The following ANO4 variants were observed in gnomAD, a reference collection of about 807,000 sequenced individuals.
ANO4 encodes anoctamin-4.
ANO4 carries 69 observed loss-of-function variants against 141.9 expected under a neutral mutation model. That is an observed-to-expected ratio of 0.49 (90% CI 0.40 to 0.59). The LOEUF is 0.59. Ranked by LOEUF, ANO4 falls within the 20% of genes least tolerant of loss-of-function variation. The pLI is 0.00. For missense variants in ANO4, 894 were observed against 1,162.2 expected, an observed-to-expected ratio of 0.77 and a Z score of 3.36; for synonymous variants, 350 against 394.3, an observed-to-expected ratio of 0.89 and a Z score of 1.33.
intron 6 of ANO4, among the ~76,000 whole-genome samples, chr12:100,973,259 C>T (rs2044008625): frequency 6.6e-6 from 1 of 152,196 alleles, no homozygotes. Context: ...TAACTCTAGT[C>T]TAAGGAGATA....
intron 3 of ANO4, among the ~76,000 whole-genome samples, chr12:100,781,327 C>G (rs2033704842): frequency 6.6e-6 from 1 of 152,200 alleles, no homozygotes; most frequent in Admixed American, 6.5e-5. Flanking sequence ...TTTCCACTAT[C>G]AACCACAGAG....
At chr12:100,884,329 T>C (rs2039717176) in intron 1 of ANO4, among the ~76,000 whole-genome samples, 1 of 152,186 alleles carries the variant, frequency 6.6e-6, no homozygotes, top group Non-Finnish European at 1.5e-5. Context: ...AAATTAAATA[T>C]CGATTAAGGA....
intron 3 of ANO4, among the ~76,000 whole-genome samples, chr12:100,924,564 G>A (rs1029566226): frequency 7.9e-5 from 12 of 152,014 alleles, no homozygotes; most frequent in Non-Finnish European, 4.4e-5. Flanking sequence ...ATTTATTCCG[G>A]TTGAACAATC....
At chr12:101,064,320 A>G (rs370090612) in intron 14 of ANO4, among the ~76,000 whole-genome samples, 9 of 152,334 alleles carry the variant, frequency 5.9e-5, no homozygotes, top group Middle Eastern at 3.4e-3. Context: ...GAGATTTTCT[A>G]AATTTCCACT....
intron 22 of ANO4, among the ~76,000 whole-genome samples, chr12:101,100,676 G>A (rs547156793): frequency 5.3e-5 from 8 of 152,266 alleles, no homozygotes; most frequent in East Asian, 1.9e-4. Flanking sequence ...CTAGAATTTG[G>A]TAGTGCTCCA....
chr12:100,798,661 G>C (rs1183917906), intron 1 of ANO4, among the ~76,000 whole-genome samples: 3 of 152,174 alleles, frequency 2.0e-5, no homozygotes, highest in Non-Finnish European at 4.4e-5. Flanking sequence ...CTTCTTAGGA[G>C]TTGGAGGGAG....
intron 2 of ANO4, among the ~76,000 whole-genome samples, chr12:100,918,871 G>A (rs746472414): frequency 6.6e-6 from 1 of 152,096 alleles, no homozygotes; most frequent in Non-Finnish European, 1.5e-5. Flanking sequence ...CCAGAAGAGA[G>A]CATTTATATC....
intron 1 of ANO4, among the ~76,000 whole-genome samples, chr12:100,896,164 A>G (rs535196114): frequency 5.9e-5 from 9 of 152,306 alleles, no homozygotes; most frequent in Non-Finnish European, 1.0e-4. Context: ...TCTAATTCCC[A>G]GAACCTGCAA....
intron 15 of ANO4, among the ~76,000 whole-genome samples, chr12:101,080,876 A>AT: frequency 1.0e-5 from 1 of 96,432 alleles, no homozygotes; most frequent in South Asian, 5.7e-4. Context: ...ATATATATAT[A>AT]TATATATTAT....
chr12:101,092,230 A>T (rs1026892426), intron 17 of ANO4, among the ~76,000 whole-genome samples: 1 of 152,200 alleles, frequency 6.6e-6, no homozygotes, highest in Non-Finnish European at 1.5e-5. Context: ...TCCAAAAAAA[A>T]AAAAGTAAAA....
At chr12:101,001,299 A>T (rs1566111674) in intron 8 of ANO4, among the ~76,000 whole-genome samples, 4 of 152,186 alleles carry the variant, frequency 2.6e-5, no homozygotes, top group Non-Finnish European at 5.9e-5. Context: ...AAGTCTTAGG[A>T]AACAACAGTG....
At chr12:100,786,561 C>T (rs1380916162) in intron 3 of ANO4, among the ~76,000 whole-genome samples, 1 of 152,098 alleles carries the variant, frequency 6.6e-6, no homozygotes, top group African/African-American at 2.4e-5. Context: ...GGTTTTTTTC[C>T]CTCCAAATTT....
At chr12:101,118,972 GTTT>G (rs1223578403) in intron 25 of ANO4, among the ~76,000 whole-genome samples, 5 of 150,640 alleles carry the variant, frequency 3.3e-5, no homozygotes, top group Non-Finnish European at 7.4e-5. Flanking sequence ...GCGGTGTTTG[GTTT>G]TTTGTCCTTG....
intron 10 of ANO4, 122 bp from the exon 11 acceptor site, chr12:101,039,833 A>T: frequency 9.4e-7 from 1 of 1,066,276 alleles, no homozygotes; most frequent in Non-Finnish European, 1.3e-6. Flanking sequence ...AATAGAGAGG[A>T]TTCATTTCTT....
intron 3 of ANO4, among the ~76,000 whole-genome samples, chr12:100,931,654 T>C (rs1346374932): frequency 1.3e-5 from 2 of 152,162 alleles, no homozygotes; most frequent in Non-Finnish European, 2.9e-5. Context: ...TAAACTGTAA[T>C]TCCTATCTTT....
At chr12:100,849,590 A>G (rs574116876) in intron 1 of ANO4, among the ~76,000 whole-genome samples, 1 of 152,224 alleles carries the variant, frequency 6.6e-6, no homozygotes, top group Non-Finnish European at 1.5e-5. Context: ...TATCTCTTTC[A>G]TTGTTTCAAA....
At chr12:100,914,993 A>AT (rs143409160) in intron 2 of ANO4, among the ~76,000 whole-genome samples, 12,217 of 150,784 alleles carry the variant, frequency 0.081, 647 homozygotes, top group African/African-American at 0.13. Flanking sequence ...TTTATTTTAT[A>AT]TTTTTTTTTA....
At chr12:100,856,264 G>A (rs969145863) in intron 1 of ANO4, among the ~76,000 whole-genome samples, 1 of 152,174 alleles carries the variant, frequency 6.6e-6, no homozygotes, top group East Asian at 1.9e-4. Flanking sequence ...AGCATGCACT[G>A]TAGATTCATG....
In ANO4 at chr12:100,970,935, T is replaced by C. The variant is rs1012173739; in HGVS notation, c.457-371T>C. On this transcript the variant is annotated intron_variant, in intron 5 of 27. Coordinates refer to ENST00000392977, the MANE Select transcript of ANO4 (RefSeq NM_001286615.2). ...GGTTTCACCATGTTGTCCAGTCTGG[T>C]CTCGAACTCCTGACCTCAGGTGATC... Among the ~76,000 whole-genome samples, 13 of 152,242 alleles carry C rather than the reference T, an allele frequency of 8.5e-5. 1 individual carries two copies. In the South Asian group the frequency reaches 1.5e-3, roughly 17 times the overall value.
Sources: gnomAD v4.1 joint callset for allele counts (sites outside exome capture counted in the v4.1 genomes callset) on GRCh38, gnomAD v4.1.1 for gene constraint, MANE v1.5 for transcripts, NCBI Gene and HGNC (gene_info 2026-07-23, HGNC 2026-07-21) for gene names.